The following ESM1 variants were observed in gnomAD, a reference collection of about 807,000 sequenced individuals.
ESM1 encodes endothelial cell specific molecule 1.
ESM1 carries 7 observed loss-of-function variants against 14.9 expected under a neutral mutation model. The ratio of observed to expected loss-of-function variants is 0.47; its 90% CI spans 0.27 to 0.88. The LOEUF (loss-of-function observed/expected upper bound fraction) is 0.88, where lower values mean the gene tolerates loss of function less well. ESM1 is among the 40% of genes least tolerant of loss of function. The pLI, the probability that ESM1 is intolerant of heterozygous loss-of-function variation, is 0.14. For missense variants in ESM1, 192 were observed against 237.9 expected, an observed-to-expected ratio of 0.81 and a Z score of 1.27; for synonymous variants, 89 against 89.4, an observed-to-expected ratio of 1.00 and a Z score of 0.02.
intron 1 of ESM1, among the ~76,000 whole-genome samples, chr5:54,982,894 C>G (rs1310878724): frequency 6.6e-6 from 1 of 152,072 alleles, no homozygotes; most frequent in Non-Finnish European, 1.5e-5. Context: ...TACACTTATG[C>G]CAAAACATCC....
chr5:54,984,305 G>A (rs1459555333), intron 1 of ESM1, among the ~76,000 whole-genome samples: 2 of 152,002 alleles, frequency 1.3e-5, no homozygotes, highest in Non-Finnish European at 2.9e-5. Flanking sequence ...GATGGATGGG[G>A]TTATAGCATG....
chr5:54,982,175 C>G, intron 1 of ESM1, 29 bp from the exon 2 acceptor site: 2 of 1,610,118 alleles, frequency 1.2e-6, no homozygotes, highest in Non-Finnish European at 1.7e-6. Flanking sequence ...TTGGAGAGGA[C>G]GCTGCTTGTT....
rs201415687 is a variant in ESM1 at position 54,985,395 on chromosome 5, C to T, written c.123G>A (p.Pro41=). ...HCDSSECKSS[P]RCKRTVLDDC... is the part of the protein sequence containing the mutation. ...CGTCGAGCACTGTCCTCTTGCAGCG[C>T]GGGCTGCTTTTGCACTCACTGCTGT... Residue 41 remains proline (P), a synonymous_variant, in exon 1 of 3, where the codon CCG becomes CCA. Coordinates refer to ENST00000381405, the MANE Select transcript of ESM1 (RefSeq NM_007036.5). 2.2e-5 allele frequency: 36 copies of T among 1,614,110 alleles called. No homozygotes were observed. Among genetic ancestry groups the T allele is most frequent in the Non-Finnish European group, 2.8e-5 (33 of 1,180,050 alleles).
At chr5:54,981,473 T>C (rs1163821211) in intron 2 of ESM1, among the ~76,000 whole-genome samples, 1 of 152,192 alleles carries the variant, frequency 6.6e-6, no homozygotes, top group African/African-American at 2.4e-5. Flanking sequence ...TACTATTTCT[T>C]ATCCTCTCCA....
Position 54,985,306 on chromosome 5 carries a change from C to T in ESM1, c.212G>A (p.Gly71Asp). Reference sequence around the variant, plus strand: ...CGGGCCACACTTCATGCCATCCATGCCTGAGACTGTGCGGTAGCAAGTTTC... The same window carrying T: ...CGGGCCACACTTCATGCCATCCATGTCTGAGACTGTGCGGTAGCAAGTTTC... ...RGETCYRTVSGMDGMKCGPGL... is the reference protein window; with the variant it reads ...RGETCYRTVSDMDGMKCGPGL... The change falls in exon 1 of 3, where the codon GGC becomes GAC. Residue 71 changes from glycine to aspartate, a missense_variant. Transcript: ENST00000381405. The T allele has an allele frequency of 1.2e-6, 2 of 1,614,224 alleles. No individual in the cohort carries two copies. The highest frequency in any genetic ancestry group is 1.7e-6 in the Non-Finnish European group (2 of 1,180,046).
intron 1 of ESM1, among the ~76,000 whole-genome samples, chr5:54,983,215 G>C (rs562056214): frequency 7.9e-4 from 120 of 152,252 alleles, no homozygotes; most frequent in African/African-American, 2.8e-3. Context: ...AGATCACAGA[G>C]GAACCTGGTT....
At chr5:54,985,070 C>G (rs999289) in intron 1 of ESM1, 147 bp downstream of exon 1, 229,128 of 705,938 alleles carry the variant, frequency 0.32, 40,025 homozygotes, top group South Asian at 0.41. Context: ...TCAGTCTCTA[C>G]CCATGACAAT....
In ESM1 at chr5:54,982,067, T is replaced by C. The variant is rs1744063253; in HGVS notation, c.381A>G (p.Gly127=). Residue 127 remains glycine, a synonymous_variant, in exon 2 of 3, where the codon GGA becomes GGG. Transcript: ENST00000381405. The stretch of plus-strand genomic sequence containing the variant: ...GGAAGAAGGGGAATTTCAGGCATTT[T>C]CCCGTCCCCCTGTCACAGATGCCTG... ...CQSGICDRGT[G]KCLKFPFFQY... 7 of 1,614,208 alleles carry C rather than the reference T, an allele frequency of 4.3e-6. No individual in the cohort carries two copies. Among genetic ancestry groups the C allele is most frequent in the Non-Finnish European group, 5.1e-6 (6 of 1,179,994 alleles).
chr5:54,980,060 G>T (rs1399217580), intron 2 of ESM1, among the ~76,000 whole-genome samples: 1 of 152,216 alleles, frequency 6.6e-6, no homozygotes, highest in East Asian at 1.9e-4. Context: ...GATGTGGAAT[G>T]CTTTAAGAAG....
intron 2 of ESM1, among the ~76,000 whole-genome samples, chr5:54,980,390 G>A (rs1463668236): frequency 2.0e-5 from 3 of 152,178 alleles, no homozygotes; most frequent in Admixed American, 2.0e-4. Context: ...CCTGTGTCAG[G>A]AGTGAAGCCC....
chr5:54,982,170 G>A (rs374835853), intron 1 of ESM1, 24 bp from the exon 2 acceptor site: 14 of 1,612,108 alleles, frequency 8.7e-6, no homozygotes, highest in African/African-American at 2.7e-5. Context: ...AAAGGTTGGA[G>A]AGGACGCTGC....
Position 54,979,117 on chromosome 5 carries a change from C to T in ESM1, c.*215G>A, listed in dbSNP as rs1230109303. 2.0e-6 allele frequency: 1 copy of T among 503,714 alleles called. No homozygotes were observed. The highest frequency in any genetic ancestry group is 3.6e-5 in the Admixed American group (1 of 27,532). The allele number at this position is 503,714 out of a possible 1,614,324, so 31.2% of individuals were successfully genotyped here. Reference sequence around the variant, plus strand: ...CACACACATTTAACAAATCTACATGCATTCGAATATTTAACAAACACATAC... The same window carrying T: ...CACACACATTTAACAAATCTACATGTATTCGAATATTTAACAAACACATAC... On this transcript the variant is annotated 3_prime_UTR_variant, in exon 3 of 3. Transcript: ENST00000381405.
intron 1 of ESM1, among the ~76,000 whole-genome samples, chr5:54,983,334 A>T (rs1740432877): frequency 6.6e-6 from 1 of 152,220 alleles, no homozygotes; most frequent in Non-Finnish European, 1.5e-5. Flanking sequence ...CTGCAGCGAT[A>T]TTGAAAACTA....
chr5:54,979,382 CT>C lies in ESM1; in HGVS notation c.504del (p.Glu169ArgfsTer8). 6.2e-7 allele frequency: 1 copy of C among 1,613,982 alleles called. No individual in the cohort carries two copies. On this transcript the variant is annotated frameshift_variant, in exon 3 of 3. Coordinates refer to ENST00000381405, the MANE Select transcript of ESM1 (RefSeq NM_007036.5). LOFTEE classifies it high-confidence loss of function. ...ATTACGGGAGACCCGGCAGCATTCT[CT>C]TTCACAACTTCTTCTCTCACAATAT... ...DGNIVREEVVKENAAGSPVMR... is the reference protein window; with the variant it reads ...DGNIVREEVVXENAAGSPVMR...
intron 2 of ESM1, 114 bp downstream of exon 2, chr5:54,981,883 A>G (rs1374904895): frequency 8.6e-7 from 1 of 1,168,278 alleles, no homozygotes; most frequent in African/African-American, 1.5e-5. Context: ...TGAGTAAAGC[A>G]AAGGAAATAA....
intron 1 of ESM1, among the ~76,000 whole-genome samples, chr5:54,983,252 G>A (rs1740431370): frequency 6.6e-6 from 1 of 152,186 alleles, no homozygotes; most frequent in Non-Finnish European, 1.5e-5. Flanking sequence ...TTGCTGGGAA[G>A]AAGAGATCTT....
chr5:54,985,306 C>G lies in ESM1; in HGVS notation c.212G>C (p.Gly71Ala). Residue 71 changes from glycine (G) to alanine (A), a missense_variant, in exon 1 of 3, where the codon GGC becomes GCC. Transcript: ENST00000381405. ...RGETCYRTVS[G>A]MDGMKCGPGL... ...CGGGCCACACTTCATGCCATCCATG[C>G]CTGAGACTGTGCGGTAGCAAGTTTC... is the stretch of plus-strand genomic sequence containing the variant. The G allele has an allele frequency of 6.2e-7, 1 of 1,614,224 alleles. No homozygotes were observed.
At chr5:54,982,934 T>C (rs1440028086) in intron 1 of ESM1, among the ~76,000 whole-genome samples, 1 of 152,244 alleles carries the variant, frequency 6.6e-6, no homozygotes, top group African/African-American at 2.4e-5. Context: ...CAAAGTCGTT[T>C]ATTTAAAATG....
At position 54,978,118 on chromosome 5, in the gene ESM1, A is replaced by G. The variant is rs1390639790; in HGVS notation, c.*1214T>C. ...CCTGTTTGTGCTAAGATTCTTTCAAATATACTCCTAATTCCACTTATCAAC... is the reference window on the plus strand; with the variant it reads ...CCTGTTTGTGCTAAGATTCTTTCAAGTATACTCCTAATTCCACTTATCAAC... On this transcript the variant is annotated 3_prime_UTR_variant, in exon 3 of 3. Coordinates refer to ENST00000381405, the MANE Select transcript of ESM1 (RefSeq NM_007036.5). 1 of 152,184 alleles carries G rather than the reference A, an allele frequency of 6.6e-6. No individual in the cohort carries two copies. The highest frequency in any genetic ancestry group is 2.4e-5 in the African/African-American group (1 of 41,448). 9.4% of individuals were successfully genotyped at this position (152,184 alleles called of 1,614,324 possible).
Sources: allele counts gnomAD v4.1 joint callset (sites outside exome capture counted in the v4.1 genomes callset), GRCh38; gene constraint gnomAD v4.1.1; transcripts MANE v1.5; gene names NCBI Gene and HGNC (gene_info 2026-07-23, HGNC 2026-07-21).